NRAP: variants seen among roughly 807,000 people sequenced by gnomAD.
NRAP encodes the protein nebulin related anchoring protein, also known as nebulin-related-anchoring protein.
Under a neutral mutation model 225.9 loss-of-function variants are expected in NRAP, and 189 were observed. The observed-to-expected ratio is 0.84, with a 90% CI of 0.74 to 0.94. NRAP has a LOEUF of 0.94. NRAP is among the 40% of genes least tolerant of loss of function. NRAP has a pLI of 0.00. For synonymous variants in NRAP, 769 were observed against 790.7 expected (o/e 0.97, Z 0.46); for missense variants, 2,176 against 2,168.7 (o/e 1.00, Z -0.07).
intron 14 of NRAP, among the ~76,000 whole-genome samples, chr10:113,637,699 G>A (rs187981799): frequency 5.3e-5 from 8 of 152,264 alleles, no homozygotes; most frequent in South Asian, 2.1e-4. Context: ...CGAGGCAGGC[G>A]GATCACCTGA....
At chr10:113,597,249 G>T in intron 36 of NRAP, 65 bp from the exon 37 acceptor site, 1 of 1,004,250 alleles carries the variant, frequency 1.0e-6, no homozygotes. Context: ...TCAGGGTGCA[G>T]CTTCACTCCA....
intron 24 of NRAP, among the ~76,000 whole-genome samples, chr10:113,621,534 C>T (rs544129361): frequency 3.3e-5 from 5 of 152,254 alleles, no homozygotes; most frequent in South Asian, 2.1e-4. Flanking sequence ...GAGTTATCAG[C>T]GATGCTCTCC....
At position 113,627,124 on chromosome 10, in the gene NRAP, T is replaced by G. The variant is rs891082148; in HGVS notation, c.2146-979A>C. On this transcript the variant is annotated intron_variant, in intron 20 of 41. Transcript: ENST00000359988. ...TGATTGGAACACTGGAAACTCCAAA[T>G]TTTCTGCCTTTAGGGGAAAAAAGTT... Among the ~76,000 whole-genome samples the G allele has an allele frequency of 3.9e-5, 6 of 152,322 alleles. 1 individual carries two copies. The South Asian group carries it at 1.2e-3, about 32-fold the overall frequency.
intron 35 of NRAP, among the ~76,000 whole-genome samples, chr10:113,603,431 C>T (rs1425278993): frequency 6.6e-6 from 1 of 152,004 alleles, no homozygotes; most frequent in Non-Finnish European, 1.5e-5. Context: ...CTGAGCTCCC[C>T]CCAAGAGAGC....
intron 31 of NRAP, among the ~76,000 whole-genome samples, chr10:113,609,712 TG>T (rs1457174699): frequency 6.6e-6 from 1 of 151,996 alleles, no homozygotes; most frequent in East Asian, 1.9e-4. Context: ...AATTAAGAAG[TG>T]GAGGCTCAGA....
rs1288519616 is a variant in NRAP at position 113,648,323 on chromosome 10, T to C, written c.889-1296A>G. 9.9e-5 allele frequency among the ~76,000 whole-genome samples: 15 copies of C among 152,184 alleles called. No homozygotes were observed. The East Asian group carries it at 2.7e-3, about 27-fold the overall frequency. On this transcript the variant is annotated intron_variant, in intron 9 of 41. Coordinates refer to ENST00000359988, the MANE Select transcript of NRAP (RefSeq NM_198060.4). ...GCTGACAGAAGGTTCTGGCCAAATA[T>C]AATAAGTAAAAAAAGGTTAAGTTTT...
intron 18 of NRAP, among the ~76,000 whole-genome samples, chr10:113,630,337 ATAG>A (rs1457298794): frequency 1.3e-5 from 2 of 152,128 alleles, no homozygotes; most frequent in Non-Finnish European, 2.9e-5. Context: ...GATGATAGTG[ATAG>A]TGGTGGTGGT....
rs753899706 is a variant in NRAP, at chr10:113,654,014, TG to T, written c.465+6del. 6.4e-7 allele frequency: 1 copy of T among 1,573,192 alleles called. No homozygotes were observed. The highest frequency in any genetic ancestry group is 1.1e-5 in the South Asian group (1 of 90,312). On this transcript the variant is annotated splice_donor_region_variant and intron_variant, in intron 5 of 41. Coordinates refer to ENST00000359988, the MANE Select transcript of NRAP (RefSeq NM_198060.4). ...CCAATTCCTAAAGCAATTTCTAGGG[TG>T]CTTACCTCACCAAGAGACTTTCGAG... is the stretch of plus-strand genomic sequence containing the variant.
intron 29 of NRAP, among the ~76,000 whole-genome samples, 198 bp downstream of exon 29, chr10:113,613,985 G>T (rs1847484102): frequency 6.6e-6 from 1 of 152,180 alleles, no homozygotes; most frequent in Non-Finnish European, 1.5e-5. Context: ...GAACTAAGGG[G>T]TCAACCAGTC....
At chr10:113,599,768 A>G (rs934350061) in intron 35 of NRAP, among the ~76,000 whole-genome samples, 1 of 152,044 alleles carries the variant, frequency 6.6e-6, no homozygotes, top group African/African-American at 2.4e-5. Context: ...CTGCTACCCA[A>G]AGATGGTTTC....
At chr10:113,616,739 A>ATGGAAAGTTGAATGGTT (rs1847686821) in intron 26 of NRAP, among the ~76,000 whole-genome samples, 1 of 152,224 alleles carries the variant, frequency 6.6e-6, no homozygotes, top group African/African-American at 2.4e-5. Flanking sequence ...AATTTTCCCC[A>ATGGAAAGTTGAATGGTT]TGGAAAGTTG....
At chr10:113,623,339 C>A (rs1278649752) in intron 23 of NRAP, among the ~76,000 whole-genome samples, 190 bp downstream of exon 23, 4 of 152,186 alleles carry the variant, frequency 2.6e-5, no homozygotes, top group African/African-American at 9.6e-5. Context: ...CAGTGTGTGG[C>A]AAGCAGTTAT....
Position 113,612,428 on chromosome 10 carries a change from T to C in NRAP, c.3304A>G (p.Asn1102Asp). Residue 1102 changes from asparagine to aspartate, a missense_variant, in exon 30 of 42, where the codon AAT becomes GAT. Physicochemically the swap from Asn to Asp is conservative, Grantham distance 23 (BLOSUM62 1). Coordinates refer to ENST00000359988, the MANE Select transcript of NRAP (RefSeq NM_198060.4). ...VYATSLQSDV[N>D]YKKGFEHSKA... ...GAGTGTTCAAAGCCTTTCTTGTAAT[T>C]CACCTAGAGGGGCAGACAGAGCAAC... is the stretch of plus-strand genomic sequence containing the variant. 1.9e-6 allele frequency: 3 copies of C among 1,613,770 alleles called. No homozygotes were observed. Among genetic ancestry groups the C allele is most frequent in the Non-Finnish European group, 2.5e-6 (3 of 1,179,798 alleles).
rs768290488 is a variant in NRAP, at chr10:113,663,371, T to C, written c.148A>G (p.Lys50Glu). ...LSVNNFVSHQ[K>E]KPYCHAHNPK... The stretch of plus-strand genomic sequence containing the variant: ...ACTTACGCGTGACAGTACGGCTTTT[T>C]CTGGTGACTCACAAAGTTATTAACA... Residue 50 changes from lysine (K) to glutamate (E), a missense_variant, in exon 2 of 42, where the codon AAA (lysine) becomes GAA (glutamate). Coordinates refer to ENST00000359988, the MANE Select transcript of NRAP (RefSeq NM_198060.4). 4.3e-6 allele frequency: 7 copies of C among 1,611,628 alleles called. No homozygotes were observed. Among genetic ancestry groups the C allele is most frequent in the Non-Finnish European group, 5.9e-6 (7 of 1,177,690 alleles).
At position 113,608,479 on chromosome 10, in the gene NRAP, A is replaced by C. The variant is rs1482401826; in HGVS notation, c.3637T>G (p.Tyr1213Asp). The C allele has an allele frequency of 6.2e-7, 1 of 1,613,478 alleles. No individual in the cohort carries two copies. The highest frequency in any genetic ancestry group is 1.1e-5 in the South Asian group (1 of 90,998). Reference protein sequence around the residue: ...KYRQHPHSFKYTAVTDTPNLL... With the variant: ...KYRQHPHSFKDTAVTDTPNLL... ...TTGGGAGTGTCTGTCACAGCTGTGT[A>C]CTTGAATGAGTGGGGATGCTGCCGA... is the stretch of plus-strand genomic sequence containing the variant. Residue 1213 changes from tyrosine to aspartate, a missense_variant, in exon 32 of 42, where the codon TAC becomes GAC. Coordinates refer to ENST00000359988, the MANE Select transcript of NRAP (RefSeq NM_198060.4).
intron 12 of NRAP, among the ~76,000 whole-genome samples, chr10:113,642,175 C>T (rs1849240597): frequency 6.6e-6 from 1 of 152,094 alleles, no homozygotes; most frequent in Admixed American, 6.5e-5. Context: ...AGTTAATCTT[C>T]ACAAGTACTC....
At position 113,662,697 on chromosome 10, in the gene NRAP, A is replaced by G. The variant is rs1457628544; in HGVS notation, c.237T>C (p.Phe79=). Residue 79 remains phenylalanine, a synonymous_variant, in exon 3 of 42, where the codon TTT becomes TTC. Transcript: ENST00000359988. The part of the protein sequence containing the change: ...HTPLNLNVRT[F]PEAISGIHDQ... Reference sequence around the variant, plus strand: ...AACTTACCCCACTGATGGCCTCTGGAAATGTCCTCACATTTAGATTTAATG... The same window carrying G: ...AACTTACCCCACTGATGGCCTCTGGGAATGTCCTCACATTTAGATTTAATG... 3.8e-6 allele frequency: 6 copies of G among 1,584,904 alleles called. No individual in the cohort carries two copies. Among genetic ancestry groups the G allele is most frequent in the Middle Eastern group, 1.7e-4 (1 of 6,032 alleles).
intron 20 of NRAP, among the ~76,000 whole-genome samples, chr10:113,626,963 T>C (rs958835917): frequency 1.3e-5 from 2 of 152,194 alleles, no homozygotes; most frequent in Non-Finnish European, 2.9e-5. Context: ...CTGGGAAAGA[T>C]GGCCACTGAA....
rs917816634 is a variant in NRAP at position 113,614,999 on chromosome 10, T to C, written c.3079-53A>G. On this transcript the variant is annotated intron_variant, in intron 27 of 41. Transcript: ENST00000359988. ...ACCTTTAAGTGACCTGGTGGTTTCC[T>C]AAACTCTGGCTTACCAAATTGGCAA... The C allele has an allele frequency of 2.7e-6, 3 of 1,108,202 alleles. No homozygotes were observed. In the Admixed American group the frequency reaches 5.1e-5, roughly 19 times the overall value. The allele number at this position is 1,108,202 out of a possible 1,614,324, so 68.6% of individuals were successfully genotyped here.
Sources: allele counts gnomAD v4.1 joint callset (sites outside exome capture counted in the v4.1 genomes callset), GRCh38; gene constraint gnomAD v4.1.1; transcripts MANE v1.5; gene names NCBI Gene and HGNC (gene_info 2026-07-23, HGNC 2026-07-21).